BACC1: variants seen among roughly 807,000 people sequenced by gnomAD.
BACC1 encodes the protein BPTF associated chromatin complex component 1, also known as BPTF-associated chromatin complex component 1.
At chr17:7,016,655 G>T in the BACC1 span, 1 of 1,612,330 alleles carries the variant, frequency 6.2e-7, no homozygotes, top group African/African-American at 1.3e-5. Context: ...CCCTGAGGCC[G>T]GGGGTCCCCC....
the BACC1 span, chr17:7,015,309 G>A: frequency 5.1e-6 from 7 of 1,380,370 alleles, no homozygotes; most frequent in African/African-American, 9.1e-5. Context: ...GTTGGGTGAG[G>A]GAATGAATGA....
the BACC1 span, chr17:7,016,163 C>T: frequency 7.7e-6 from 4 of 518,990 alleles, no homozygotes; most frequent in Admixed American, 1.5e-4. Context: ...TTTGAGGACC[C>T]CACTGCAGTG....
chr17:7,014,982 G>A, the BACC1 span: 13 of 1,426,030 alleles, frequency 9.1e-6, no homozygotes, highest in East Asian at 3.9e-4. This position sits in a 1 kb window ranked among gnomAD's most constrained non-coding sequence, Gnocchi z 4.5. Context: ...GGCGGGAGCC[G>A]AGCCTGGGGT....
the BACC1 span, chr17:7,015,620 C>T: frequency 7.5e-7 from 1 of 1,329,932 alleles, no homozygotes; most frequent in Non-Finnish European, 1.0e-6. Flanking sequence ...CAAGAGCTTT[C>T]CGCCTCCCCT....
At chr17:7,016,297 A>C in the BACC1 span, 4 of 592,478 alleles carry the variant, frequency 6.8e-6, no homozygotes, top group Non-Finnish European at 5.9e-6. Flanking sequence ...CCCACTACTC[A>C]GTTCAGGGAC....
At chr17:7,016,458 A>T in the BACC1 span, 2 of 1,594,922 alleles carry the variant, frequency 1.3e-6, no homozygotes, top group East Asian at 2.2e-5. Context: ...AGTCTCTCTG[A>T]TGACTCCTTT....
chr17:7,015,097 C>T, the BACC1 span: 2 of 1,574,914 alleles, frequency 1.3e-6, no homozygotes, highest in Non-Finnish European at 1.7e-6. Context: ...GCGCCGCCTT[C>T]ACGAAGCTCG....
chr17:7,017,254 C>G, the BACC1 span: 1 of 1,614,114 alleles, frequency 6.2e-7, no homozygotes. Context: ...CTTCCTGTTC[C>G]AGACAGCCTG....
At chr17:7,015,189 A>G in the BACC1 span, 3 of 1,540,234 alleles carry the variant, frequency 1.9e-6, no homozygotes, top group Non-Finnish European at 2.6e-6. Context: ...GTGGACGCTG[A>G]GAGCGGGCGC....
chr17:7,014,797 C>T, the BACC1 span: 6 of 1,520,150 alleles, frequency 3.9e-6, no homozygotes, highest in Admixed American at 6.0e-5. The surrounding 1 kb of genome is among the most constrained non-coding windows in gnomAD (Gnocchi z 4.5). Flanking sequence ...CCCTGCTCTC[C>T]GTGGTCCCGG....
At chr17:7,015,276 A>G in the BACC1 span, 7 of 1,411,194 alleles carry the variant, frequency 5.0e-6, no homozygotes, top group Non-Finnish European at 6.4e-6. Context: ...GGCACAGCAC[A>G]GAGTCGGTGT....
At chr17:7,016,476 T>C in the BACC1 span, 1 of 1,610,146 alleles carries the variant, frequency 6.2e-7, no homozygotes, top group East Asian at 2.2e-5. Flanking sequence ...TTTCCTAACC[T>C]CTTCTCTCTT....
the BACC1 span, chr17:7,017,141 T>C: frequency 6.4e-7 from 1 of 1,551,610 alleles, no homozygotes. Flanking sequence ...GGTGCTCTCA[T>C]ACACAGCGCA....
At chr17:7,015,613 G>A in the BACC1 span, 3 of 1,349,664 alleles carry the variant, frequency 2.2e-6, no homozygotes. Flanking sequence ...AGGGCCTCAA[G>A]AGCTTTCCGC....
the BACC1 span, chr17:7,016,489 C>T: frequency 6.2e-7 from 1 of 1,612,056 alleles, no homozygotes; most frequent in Admixed American, 1.7e-5. Context: ...TCTCTCTTTT[C>T]TTCAGGGCCC....
At chr17:7,015,729 ACC>A in the BACC1 span, 2 of 1,550,564 alleles carry the variant, frequency 1.3e-6, no homozygotes, top group Non-Finnish European at 8.9e-7. Flanking sequence ...CGGGCTCCAC[ACC>A]CCCCCTCCCA....
the BACC1 span, chr17:7,015,452 C>G: frequency 1.5e-6 from 2 of 1,365,832 alleles, no homozygotes; most frequent in Non-Finnish European, 1.9e-6. Flanking sequence ...CGGCTGCAGG[C>G]TGTGTTGGTG....
chr17:7,016,112 T>C, the BACC1 span: 1 of 543,504 alleles, frequency 1.8e-6, no homozygotes, highest in Non-Finnish European at 3.2e-6. Context: ...ATGCTGTTAT[T>C]GTATTTGATG....
At chr17:7,016,196 G>A in the BACC1 span, 31 of 520,704 alleles carry the variant, frequency 6.0e-5, no homozygotes, top group African/African-American at 4.1e-4. Flanking sequence ...TGGTGACCCT[G>A]AACTAGTTGA....
Sources: allele counts gnomAD v4.1 joint callset, GRCh38; gene constraint gnomAD v4.1.1; non-coding constraint Gnocchi (gnomAD v3.1); transcripts MANE v1.5; gene names NCBI Gene and HGNC (gene_info 2026-07-23, HGNC 2026-07-21).